Variants in TNS3 observed in about 807,000 individuals in gnomAD.
TNS3 encodes tensin-3.
TNS3 carries 45 observed loss-of-function variants against 140.9 expected under a neutral mutation model. The ratio of observed to expected loss-of-function variants is 0.32; its 90% confidence interval spans 0.25 to 0.41. The LOEUF is 0.41. Ranked by LOEUF, TNS3 falls within the 10% of genes least tolerant of loss-of-function variation. The probability of loss-of-function intolerance (pLI) is 1.00; values close to 1 mark genes in which losing one functional copy is unlikely to be tolerated. For missense variants in TNS3, 1,716 were observed against 1,906.7 expected (o/e 0.90, Z 1.86); for synonymous variants, 815 against 788.4 (o/e 1.03, Z -0.56).
In TNS3 at chr7:47,413,078, C is replaced by G. The variant is rs150769669; in HGVS notation, c.647+859G>C. Among the ~76,000 whole-genome samples, 492 of 151,808 alleles carry G rather than the reference C, an allele frequency of 3.2e-3. 1 individual carries two copies. Among genetic ancestry groups the G allele is most frequent in the African/African-American group, 0.011 (463 of 41,396 alleles). ...AAGCAATTCTCCTGCCTCAGCCTCCCAAGCAGCTGGGACTACAGGCACACG... is the reference window on the plus strand; with the variant it reads ...AAGCAATTCTCCTGCCTCAGCCTCCGAAGCAGCTGGGACTACAGGCACACG... On this transcript the variant is annotated intron_variant, in intron 12 of 30. Coordinates refer to ENST00000311160, the MANE Select transcript of TNS3 (RefSeq NM_022748.12).
At chr7:47,329,205 G>A (rs1268072676) in intron 20 of TNS3, among the ~76,000 whole-genome samples, 1 of 152,140 alleles carries the variant, frequency 6.6e-6, no homozygotes, top group Non-Finnish European at 1.5e-5. Flanking sequence ...TTTTCACAAG[G>A]GGAAGCACAG....
chr7:47,497,119 C>A (rs2151848414), intron 3 of TNS3, among the ~76,000 whole-genome samples: 1 of 152,138 alleles, frequency 6.6e-6, no homozygotes, highest in Admixed American at 6.5e-5. Flanking sequence ...AAGAGCAGAC[C>A]CCATTCTCAG....
At chr7:47,540,559 C>T (rs545541311) in intron 1 of TNS3, among the ~76,000 whole-genome samples, 2 of 152,238 alleles carry the variant, frequency 1.3e-5, no homozygotes, top group African/African-American at 2.4e-5. Flanking sequence ...ACGTGAGCAA[C>T]GTGTGTGCTC....
At chr7:47,506,022 CT>C (rs1798404498) in intron 3 of TNS3, among the ~76,000 whole-genome samples, 1 of 152,194 alleles carries the variant, frequency 6.6e-6, no homozygotes, top group Non-Finnish European at 1.5e-5. Context: ...ATCAAAACAG[CT>C]GACCCATGAG....
chr7:47,333,054 C>T (rs1017560505), intron 20 of TNS3, among the ~76,000 whole-genome samples: 7 of 152,122 alleles, frequency 4.6e-5, no homozygotes, highest in Admixed American at 6.5e-5. Context: ...CATGGGGACA[C>T]TTCCAAGCTG....
chr7:47,582,219 A>C (rs1411174817), upstream of TNS3: 1 of 155,062 alleles, frequency 6.4e-6, no homozygotes, highest in African/African-American at 2.4e-5. Flanking sequence ...CCGCGCCCCG[A>C]GCCTGGCGGG....
chr7:47,310,689 T>G (rs1475734618), intron 20 of TNS3, among the ~76,000 whole-genome samples: 2 of 152,180 alleles, frequency 1.3e-5, no homozygotes, highest in African/African-American at 4.8e-5. Context: ...ACAGAATGTT[T>G]AAGAAAGCAG....
At chr7:47,572,486 CTAA>C (rs951834024) in intron 1 of TNS3, among the ~76,000 whole-genome samples, 3 of 149,788 alleles carry the variant, frequency 2.0e-5, no homozygotes, top group Admixed American at 6.8e-5. Flanking sequence ...AAAATCTCTA[CTAA>C]TAATAAGCAA....
rs1340201271 is a variant in TNS3, at chr7:47,389,154, A to AAGAAGAAGAAGAAGCAGC, written c.1024+7645_1024+7646insGCTGCTTCTTCTTCTTCT. Among the ~76,000 whole-genome samples, 40 of 82,296 alleles carry AAGAAGAAGAAGAAGCAGC rather than the reference A, an allele frequency of 4.9e-4. 14 individuals carry two copies. The highest frequency in any genetic ancestry group is 1.6e-3 in the African/African-American group (38 of 23,748). 54.0% of individuals were successfully genotyped at this position (82,296 alleles called of 152,430 possible). On this transcript the variant is annotated intron_variant, in intron 16 of 30. Coordinates refer to ENST00000311160, the MANE Select transcript of TNS3 (RefSeq NM_022748.12). ...GAAGAAGAAGAAGAAGAAGAAGAAG[A>AAGAAGAAGAAGAAGCAGC]AGCAGAAGAAGCAGCAGAAGCAGAA...
At chr7:47,352,876 C>T (rs1408570560) in intron 17 of TNS3, among the ~76,000 whole-genome samples, 1 of 152,200 alleles carries the variant, frequency 6.6e-6, no homozygotes, top group Admixed American at 6.5e-5. Context: ...GCCCACAGCC[C>T]ATGTGCTACA....
At chr7:47,386,473 C>T (rs746397887) in intron 16 of TNS3, among the ~76,000 whole-genome samples, 10 of 152,266 alleles carry the variant, frequency 6.6e-5, no homozygotes, top group Non-Finnish European at 1.5e-5. Context: ...CCTCGACAGG[C>T]CTTGACCTTG....
chr7:47,426,987 A>G (rs1794687878), intron 9 of TNS3, among the ~76,000 whole-genome samples: 1 of 152,010 alleles, frequency 6.6e-6, no homozygotes, highest in African/African-American at 2.4e-5. Context: ...TTAGCTGGGC[A>G]TCTTGGCACA....
intron 16 of TNS3, among the ~76,000 whole-genome samples, chr7:47,389,074 A>AGAGGAAGAGGAAGTGGAAGCG (rs1209397333): frequency 1.6e-5 from 1 of 64,484 alleles, no homozygotes; most frequent in African/African-American, 6.4e-5. Context: ...AAGAAGAAGA[A>AGAGGAAGAGGAAGTGGAAGCG]GAAGAAGAAG....
chr7:47,364,126 A>C (rs982558309), intron 17 of TNS3, among the ~76,000 whole-genome samples: 1 of 152,052 alleles, frequency 6.6e-6, no homozygotes, highest in East Asian at 1.9e-4. Context: ...CCGCTTGCCA[A>C]AGTAGCCATT....
intron 3 of TNS3, among the ~76,000 whole-genome samples, chr7:47,498,862 A>G (rs1009366839): frequency 2.0e-5 from 3 of 152,304 alleles, no homozygotes; most frequent in South Asian, 2.1e-4. Context: ...CAGCAGGGTC[A>G]CCATAAAGCC....
chr7:47,332,391 G>A (rs888664965), intron 20 of TNS3, among the ~76,000 whole-genome samples: 2 of 152,208 alleles, frequency 1.3e-5, no homozygotes, highest in Non-Finnish European at 2.9e-5. Flanking sequence ...GCCATTCCCA[G>A]TTCTAAGAGG....
intron 16 of TNS3, among the ~76,000 whole-genome samples, chr7:47,381,034 G>GT (rs1236638585): frequency 1.3e-5 from 2 of 152,180 alleles, no homozygotes; most frequent in African/African-American, 4.8e-5. Flanking sequence ...AGAGGGTGGG[G>GT]TTTGGTGCAC....
intron 24 of TNS3, 73 bp from the exon 25 acceptor site, chr7:47,293,901 T>C: frequency 1.4e-6 from 2 of 1,393,572 alleles, no homozygotes; most frequent in Non-Finnish European, 2.0e-6. Flanking sequence ...AGAGAGAACA[T>C]AAAAGCCAGG....
In TNS3 at chr7:47,439,631, C is replaced by G. The variant is rs763204538; in HGVS notation, c.6G>C (p.Glu2Asp). Residue 2 changes from glutamate to aspartate, a missense_variant, in exon 6 of 31, where the codon GAG becomes GAC. Transcript: ENST00000311160. M[E>D]EGHGLDLTYI... ...AAGTGAGGTCCAGCCCATGGCCCTCCTCCATGGTGGGACTCAGGATGACGG... is the reference window on the plus strand; with the variant it reads ...AAGTGAGGTCCAGCCCATGGCCCTCGTCCATGGTGGGACTCAGGATGACGG... 5 of 1,613,906 alleles carry G rather than the reference C, an allele frequency of 3.1e-6. No homozygotes were observed. In the Admixed American group the frequency reaches 6.7e-5, roughly 22 times the overall value.
Sources: gnomAD v4.1 joint callset for allele counts (sites outside exome capture counted in the v4.1 genomes callset) on GRCh38, gnomAD v4.1.1 for gene constraint, MANE v1.5 for transcripts, NCBI Gene and HGNC (gene_info 2026-07-23, HGNC 2026-07-21) for gene names.